Variants in KIRREL3 observed in about 807,000 individuals in gnomAD.
The protein encoded by KIRREL3 is kin of IRRE-like protein 3.
Under a neutral mutation model 89.7 loss-of-function variants are expected in KIRREL3, and 36 were observed. That is an observed-to-expected ratio of 0.40 (90% CI 0.31 to 0.53). KIRREL3 has a LOEUF of 0.53. KIRREL3 is among the 20% of genes least tolerant of loss of function. The probability of loss-of-function intolerance (pLI) is 0.49; values close to 1 mark genes in which losing one functional copy is unlikely to be tolerated. For missense variants in KIRREL3, 864 were observed against 1,056.6 expected, an observed-to-expected ratio of 0.82 and a Z score of 2.53; for synonymous variants, 445 against 441.4, an observed-to-expected ratio of 1.01 and a Z score of -0.10.
At chr11:126,934,170 AT>A (rs1565436617) in intron 1 of KIRREL3, among the ~76,000 whole-genome samples, 1 of 152,198 alleles carries the variant, frequency 6.6e-6, no homozygotes. Context: ...AAGCTCTTAT[AT>A]TTAGGGATTT....
Position 126,812,381 on chromosome 11 carries a change from A to G in KIRREL3, c.55+188074T>C, listed in dbSNP as rs1281132330. On this transcript the variant is annotated intron_variant, in intron 1 of 16. Coordinates refer to ENST00000525144, the MANE Select transcript of KIRREL3 (RefSeq NM_032531.4). This position sits in a 1 kb window ranked among gnomAD's most constrained non-coding sequence, Gnocchi z 5.2. ...GGTTTAGGCAGACGGAACTCCTCTCAGGATTTATTCAGATTCAGTGACAGC... is the reference window on the plus strand; with the variant it reads ...GGTTTAGGCAGACGGAACTCCTCTCGGGATTTATTCAGATTCAGTGACAGC... 1.3e-5 allele frequency among the ~76,000 whole-genome samples: 2 copies of G among 152,180 alleles called. No homozygotes were observed. The highest frequency in any genetic ancestry group is 1.9e-4 in the East Asian group (1 of 5,194).
At position 126,627,584 on chromosome 11, in the gene KIRREL3, G is replaced by A. The variant is rs556549102; in HGVS notation, c.56-64672C>T. ...CCATGTGGCCGATGTGTCCTACCGT[G>A]GTACATCATCTCCTAATTAACATGT... On this transcript the variant is annotated intron_variant, in intron 1 of 16. Coordinates refer to ENST00000525144, the MANE Select transcript of KIRREL3 (RefSeq NM_032531.4). The surrounding 1 kb of genome is among the most constrained non-coding windows in gnomAD (Gnocchi z 5.0). 6.6e-6 allele frequency among the ~76,000 whole-genome samples: 1 copy of A among 152,316 alleles called. No homozygotes were observed. The highest frequency in any genetic ancestry group is 2.1e-4 in the South Asian group (1 of 4,824).
rs1464460644 is a variant in KIRREL3 at position 126,904,825 on chromosome 11, C to T, written c.55+95630G>A. Among the ~76,000 whole-genome samples the T allele has an allele frequency of 6.6e-6, 1 of 152,202 alleles. No individual in the cohort carries two copies. Among genetic ancestry groups the T allele is most frequent in the Non-Finnish European group, 1.5e-5 (1 of 68,040 alleles). On this transcript the variant is annotated intron_variant, in intron 1 of 16. Transcript: ENST00000525144. The surrounding 1 kb of genome is among the most constrained non-coding windows in gnomAD (Gnocchi z 4.4). ...GTCTGTAAGCATCAATGCTATTCCT[C>T]AGAGACATTAAGATCCCAGAGAAGA...
In KIRREL3 at chr11:126,969,747, T is replaced by A. The variant is rs1327891449; in HGVS notation, c.55+30708A>T. Among the ~76,000 whole-genome samples the A allele has an allele frequency of 6.6e-6, 1 of 152,178 alleles. No homozygotes were observed. Among genetic ancestry groups the A allele is most frequent in the Non-Finnish European group, 1.5e-5 (1 of 68,036 alleles). On this transcript the variant is annotated intron_variant, in intron 1 of 16. Coordinates refer to ENST00000525144, the MANE Select transcript of KIRREL3 (RefSeq NM_032531.4). The surrounding 1 kb of genome is among the most constrained non-coding windows in gnomAD (Gnocchi z 4.9). ...AATTTTGCAGTGGGACCTGGCTCAC[T>A]TTTGTAGATCCCTTCAAAGCTGGAG...
chr11:126,678,100 A>G (rs952179121), intron 1 of KIRREL3, among the ~76,000 whole-genome samples: 1 of 152,224 alleles, frequency 6.6e-6, no homozygotes, highest in Non-Finnish European at 1.5e-5. Context: ...AGCATGCAGG[A>G]AACCACACAA....
In KIRREL3 at chr11:126,953,618, G is replaced by C. The variant is rs199543848; in HGVS notation, c.55+46837C>G. Reference sequence around the variant, plus strand: ...CACACACACACTTGGGAGAGATAGAGAGACAGAGAGAGAGAACGACCAAGT... The same window carrying C: ...CACACACACACTTGGGAGAGATAGACAGACAGAGAGAGAGAACGACCAAGT... On this transcript the variant is annotated intron_variant, in intron 1 of 16. Coordinates refer to ENST00000525144, the MANE Select transcript of KIRREL3 (RefSeq NM_032531.4). This position sits in a 1 kb window ranked among gnomAD's most constrained non-coding sequence, Gnocchi z 5.2. 3.5e-5 allele frequency among the ~76,000 whole-genome samples: 1 copy of C among 28,982 alleles called. No homozygotes were observed. Among genetic ancestry groups the C allele is most frequent in the African/African-American group, 2.3e-4 (1 of 4,416 alleles). The allele number at this position is 28,982 out of a possible 152,430, so 19.0% of individuals were successfully genotyped here. A position where few individuals can be genotyped will look rare whatever the true frequency, so the allele number is the denominator to read the frequency against.
rs909726038 is a variant in KIRREL3, at chr11:126,667,654, C to T, written c.56-104742G>A. 3.9e-5 allele frequency among the ~76,000 whole-genome samples: 6 copies of T among 152,074 alleles called. No homozygotes were observed. The East Asian group carries it at 5.8e-4, about 15-fold the overall frequency. On this transcript the variant is annotated intron_variant, in intron 1 of 16. Transcript: ENST00000525144. ...TCCCAGACACACTCTCAACTCATGT[C>T]GGCTTAGTTGAATGGTCACCCTACC... is the stretch of plus-strand genomic sequence containing the variant.
chr11:126,959,228 A>G (rs1565457842), intron 1 of KIRREL3, among the ~76,000 whole-genome samples: 1 of 152,212 alleles, frequency 6.6e-6, no homozygotes, highest in Non-Finnish European at 1.5e-5. Context: ...CTCAGCCTCC[A>G]TACTTACACA....
chr11:126,755,884 G>C lies in KIRREL3; in HGVS notation c.56-192972C>G, dbSNP rs910150537. Among the ~76,000 whole-genome samples, 1 of 151,844 alleles carries C rather than the reference G, an allele frequency of 6.6e-6. No individual in the cohort carries two copies. The highest frequency in any genetic ancestry group is 2.4e-5 in the African/African-American group (1 of 41,232). On this transcript the variant is annotated intron_variant, in intron 1 of 16. Coordinates refer to ENST00000525144, the MANE Select transcript of KIRREL3 (RefSeq NM_032531.4). This position sits in a 1 kb window ranked among gnomAD's most constrained non-coding sequence, Gnocchi z 4.3. ...GAGAGGGAGAGAGAAAAAACAGAGA[G>C]AGAGAGAGAGAGAGAAGACTGAGCT...
chr11:126,826,952 A>G (rs1943437620), intron 1 of KIRREL3, among the ~76,000 whole-genome samples: 1 of 152,200 alleles, frequency 6.6e-6, no homozygotes, highest in Non-Finnish European at 1.5e-5. Flanking sequence ...GAGGCAGAGT[A>G]GCAGAGGTCA....
chr11:126,815,080 A>G (rs1016670464), intron 1 of KIRREL3, among the ~76,000 whole-genome samples: 4 of 152,172 alleles, frequency 2.6e-5, no homozygotes, highest in Non-Finnish European at 5.9e-5. Context: ...TAAAGCTTTA[A>G]AAAAAAGAAA....
At chr11:126,517,911 G>A (rs559848520) in intron 4 of KIRREL3, among the ~76,000 whole-genome samples, 180 of 152,348 alleles carry the variant, frequency 1.2e-3, no homozygotes, top group Middle Eastern at 3.4e-3. Flanking sequence ...TTTCCGTGAC[G>A]CTGTGATTCT....
At chr11:126,457,487 A>G (rs757975406) in intron 6 of KIRREL3, among the ~76,000 whole-genome samples, 9 of 149,880 alleles carry the variant, frequency 6.0e-5, no homozygotes, top group Non-Finnish European at 1.2e-4. Context: ...GCTTATATGT[A>G]TGTATGTATG....
intron 4 of KIRREL3, among the ~76,000 whole-genome samples, chr11:126,500,097 C>T (rs1255575233): frequency 6.6e-6 from 1 of 152,168 alleles, no homozygotes; most frequent in African/African-American, 2.4e-5. Flanking sequence ...TTCTGGGAAG[C>T]CGACCTCTAG....
At chr11:126,461,243 G>A (rs1033186492) in intron 6 of KIRREL3, among the ~76,000 whole-genome samples, 8 of 152,222 alleles carry the variant, frequency 5.3e-5, no homozygotes, top group African/African-American at 1.9e-4. Context: ...TTTTCCAGTG[G>A]GGCTTACTGC....
rs947791694 is a variant in KIRREL3 at position 126,462,622 on chromosome 11, C to T, written c.742+535G>A. On this transcript the variant is annotated intron_variant, in intron 6 of 16. Coordinates refer to ENST00000525144, the MANE Select transcript of KIRREL3 (RefSeq NM_032531.4). The surrounding 1 kb of genome is among the most constrained non-coding windows in gnomAD (Gnocchi z 4.8). ...CAGAGGTTGCAGTGAGCCGAGATTGCGTCATTACACTCCAGCCTGGGCAAC... is the reference window on the plus strand; with the variant it reads ...CAGAGGTTGCAGTGAGCCGAGATTGTGTCATTACACTCCAGCCTGGGCAAC... Among the ~76,000 whole-genome samples the T allele has an allele frequency of 2.0e-5, 3 of 152,066 alleles. No individual in the cohort carries two copies. Among genetic ancestry groups the T allele is most frequent in the South Asian group, 2.1e-4 (1 of 4,826 alleles).
intron 1 of KIRREL3, among the ~76,000 whole-genome samples, chr11:126,613,505 T>A (rs982084157): frequency 2.0e-5 from 3 of 152,178 alleles, no homozygotes; most frequent in African/African-American, 7.2e-5. Flanking sequence ...CTCCCCCTGC[T>A]TGGACACGTG....
At position 126,620,587 on chromosome 11, in the gene KIRREL3, C is replaced by G. The variant is rs538292513; in HGVS notation, c.56-57675G>C. 1.2e-3 allele frequency among the ~76,000 whole-genome samples: 190 copies of G among 152,244 alleles called. 5 individuals are homozygous for G. The South Asian group carries it at 0.036, about 29-fold the overall frequency. On this transcript the variant is annotated intron_variant, in intron 1 of 16. Coordinates refer to ENST00000525144, the MANE Select transcript of KIRREL3 (RefSeq NM_032531.4). This position sits in a 1 kb window ranked among gnomAD's most constrained non-coding sequence, Gnocchi z 4.8. ...GAGTCCATAGCTCTCATTAAAGTCT[C>G]AAGCAGAGCCTCCTCCTTGAGAACC...
rs982021579 is a variant in KIRREL3 at position 126,684,425 on chromosome 11, C to T, written c.56-121513G>A. 1.3e-5 allele frequency among the ~76,000 whole-genome samples: 2 copies of T among 152,194 alleles called. No individual in the cohort carries two copies. Among genetic ancestry groups the T allele is most frequent in the Admixed American group, 6.5e-5 (1 of 15,288 alleles). ...AAAACCTCCTGGTTGAACTGGCTTC[C>T]CTGCCCCTCCAAAGTGGTTCCAAGG... On this transcript the variant is annotated intron_variant, in intron 1 of 16. Transcript: ENST00000525144. This position sits in a 1 kb window ranked among gnomAD's most constrained non-coding sequence, Gnocchi z 4.2.
Sources: gnomAD v4.1 joint callset for allele counts (sites outside exome capture counted in the v4.1 genomes callset) on GRCh38, gnomAD v4.1.1 for gene constraint, Gnocchi (gnomAD v3.1) non-coding constraint, MANE v1.5 for transcripts, NCBI Gene and HGNC (gene_info 2026-07-23, HGNC 2026-07-21) for gene names.